Variants in KMT2C observed in about 807,000 individuals in gnomAD.
The protein encoded by KMT2C is lysine methyltransferase 2C, also known as histone-lysine N-methyltransferase 2C.
Under a neutral mutation model 507.9 loss-of-function variants are expected in KMT2C, and 88 were observed. The observed-to-expected ratio is 0.17, with a 90% confidence interval of 0.15 to 0.21. The LOEUF is 0.21. Ranked by LOEUF, KMT2C falls within the 10% of genes least tolerant of loss-of-function variation. KMT2C has a pLI of 1.00. For missense variants in KMT2C, 4,954 were observed against 5,957.8 expected (o/e 0.83, Z 5.55); for synonymous variants, 2,049 against 2,080.8 (o/e 0.98, Z 0.42).
chr7:152,226,219 C>CTTTTTTTTTTTTTTTTTTTTTTTTT (rs869076803), intron 18 of KMT2C, among the ~76,000 whole-genome samples: 2 of 94,948 alleles, frequency 2.1e-5, no homozygotes, highest in African/African-American at 8.3e-5. Context: ...ATTACAAGGC[C>CTTTTTTTTTTTTTTTTTTTTTTTTT]TTTTTTTTTT....
intron 2 of KMT2C, among the ~76,000 whole-genome samples, chr7:152,338,575 T>A (rs919507623): frequency 7.2e-5 from 11 of 152,220 alleles, no homozygotes; most frequent in Non-Finnish European, 1.5e-5. Context: ...AATAGTTCTC[T>A]CTCAAGTTTT....
intron 2 of KMT2C, among the ~76,000 whole-genome samples, chr7:152,348,310 G>A (rs755285506): frequency 7.9e-5 from 12 of 152,040 alleles, no homozygotes; most frequent in Non-Finnish European, 1.8e-4. Flanking sequence ...ATAAAGCATA[G>A]GGAAGGCCAG....
chr7:152,213,767 C>T (rs1054485359), intron 23 of KMT2C, among the ~76,000 whole-genome samples: 11 of 141,072 alleles, frequency 7.8e-5, no homozygotes, highest in African/African-American at 2.9e-4. Context: ...AAAAAAAAAA[C>T]ACCGGGGTGA....
At position 152,311,872 on chromosome 7, in the gene KMT2C, C is replaced by CCCA. The variant is rs2096674828; in HGVS notation, c.664_665insTGG (p.Ala221_Gly222insVal). On this transcript the variant is annotated inframe_insertion, in exon 5 of 59. Coordinates refer to ENST00000262189, the MANE Select transcript of KMT2C (RefSeq NM_170606.3). Reference sequence around the variant, plus strand: ...CAGACTGAGTTCATCCCACAGTTTACCAGCTTGATCATCTGAAGCTGTCTG... The same window carrying CCCA: ...CAGACTGAGTTCATCCCACAGTTTACCCACAGCTTGATCATCTGAAGCTGTCTG... The CCCA allele has an allele frequency of 1.2e-6, 2 of 1,611,722 alleles. No individual in the cohort carries two copies. The highest frequency in any genetic ancestry group is 4.5e-5 in the East Asian group (2 of 44,830).
chr7:152,361,975 A>G (rs1023657982), intron 1 of KMT2C, among the ~76,000 whole-genome samples: 1 of 152,210 alleles, frequency 6.6e-6, no homozygotes, highest in Non-Finnish European at 1.5e-5. Flanking sequence ...AGATTACTCT[A>G]TCAATCTTCC....
At chr7:152,362,952 T>C (rs1047318006) in intron 1 of KMT2C, among the ~76,000 whole-genome samples, 1 of 152,276 alleles carries the variant, frequency 6.6e-6, no homozygotes, top group African/African-American at 2.4e-5. Flanking sequence ...GACCAACTTA[T>C]TGACATCATG....
intron 38 of KMT2C, 147 bp from the exon 39 acceptor site, chr7:152,174,389 G>C (rs1015664149): frequency 5.5e-6 from 3 of 549,244 alleles, no homozygotes; most frequent in Non-Finnish European, 9.5e-6. Context: ...GGGTTTAATC[G>C]CATCTCAGTA....
chr7:152,219,592 A>T (rs981231533), intron 23 of KMT2C, among the ~76,000 whole-genome samples: 1 of 152,002 alleles, frequency 6.6e-6, no homozygotes, highest in African/African-American at 2.4e-5. Flanking sequence ...AAAAAAAAAA[A>T]ACAAAAAACT....
At chr7:152,199,524 T>C (rs181539605) in intron 26 of KMT2C, 65 bp from the exon 27 acceptor site, 1 of 1,027,526 alleles carries the variant, frequency 9.7e-7, no homozygotes, top group Non-Finnish European at 1.4e-6. Context: ...GATTATTCTG[T>C]CATGGTTTTT....
chr7:152,157,394 T>C (rs1390300115), intron 44 of KMT2C, among the ~76,000 whole-genome samples: 1 of 152,082 alleles, frequency 6.6e-6, no homozygotes. Flanking sequence ...TTATTAGATA[T>C]ACTTAAAATT....
At chr7:152,329,497 G>C (rs1261958502) in intron 3 of KMT2C, among the ~76,000 whole-genome samples, 1 of 152,012 alleles carries the variant, frequency 6.6e-6, no homozygotes, top group Non-Finnish European at 1.5e-5. Context: ...CTGAGCCTGG[G>C]AGGTTGAGCC....
intron 2 of KMT2C, among the ~76,000 whole-genome samples, chr7:152,345,825 A>G (rs993740817): frequency 3.3e-5 from 5 of 152,144 alleles, no homozygotes; most frequent in Admixed American, 6.6e-5. Flanking sequence ...ATGGCCTAGA[A>G]TAGATTTTTT....
At chr7:152,221,388 T>C (rs1335222517) in intron 22 of KMT2C, among the ~76,000 whole-genome samples, 1 of 152,218 alleles carries the variant, frequency 6.6e-6, no homozygotes, top group East Asian at 1.9e-4. Context: ...GGGATCTATT[T>C]ACGTAAGAGA....
chr7:152,273,912 A>T, intron 6 of KMT2C, 45 bp from the exon 7 acceptor site: 1 of 1,598,000 alleles, frequency 6.3e-7, no homozygotes, highest in Non-Finnish European at 8.6e-7. Context: ...AACCTTGAAA[A>T]GGAATATTCA....
chr7:152,420,077 A>C (rs2097768795), intron 1 of KMT2C, among the ~76,000 whole-genome samples: 1 of 152,252 alleles, frequency 6.6e-6, no homozygotes, highest in South Asian at 2.1e-4. Context: ...CCAGAAATTG[A>C]AGGTAGGGAT....
At position 152,180,829 on chromosome 7, in the gene KMT2C, G is replaced by C. The variant is rs773409339; in HGVS notation, c.7031C>G (p.Ser2344Cys). Residue 2344 changes from serine to cysteine, a missense_variant, in exon 36 of 59, where the codon TCC (serine) becomes TGC (cysteine). Physicochemically the swap from Ser to Cys is moderately radical, Grantham distance 112. Coordinates refer to ENST00000262189, the MANE Select transcript of KMT2C (RefSeq NM_170606.3). The stretch of plus-strand genomic sequence containing the variant: ...GACACCAGAGAACTGCTGGCCTTGG[G>C]AGTGCATTGGAGAGTTTGAAGATGC... The part of the protein sequence containing the change: ...FCASSNSPMH[S>C]QGQQFSGVSQ... 4 of 1,614,182 alleles carry C rather than the reference G, an allele frequency of 2.5e-6. No homozygotes were observed. The South Asian group carries it at 4.4e-5, about 18-fold the overall frequency.
At chr7:152,408,114 C>A (rs1433074688) in intron 1 of KMT2C, among the ~76,000 whole-genome samples, 2 of 151,846 alleles carry the variant, frequency 1.3e-5, no homozygotes, top group Non-Finnish European at 2.9e-5. Flanking sequence ...ATGGCGAAAC[C>A]CCGTTTCTAC....
At chr7:152,352,674 G>C (rs2097123226) in intron 2 of KMT2C, among the ~76,000 whole-genome samples, 1 of 152,094 alleles carries the variant, frequency 6.6e-6, no homozygotes. Context: ...CCCAATATCT[G>C]GCTGAATTTC....
intron 27 of KMT2C, among the ~76,000 whole-genome samples, chr7:152,198,034 T>C (rs2094015104): frequency 7.0e-6 from 1 of 143,826 alleles, no homozygotes; most frequent in Admixed American, 6.6e-5. Context: ...TATTTAAGTC[T>C]TCAAAGTGGC....
Sources: gnomAD v4.1 joint callset for allele counts (sites outside exome capture counted in the v4.1 genomes callset) on GRCh38, gnomAD v4.1.1 for gene constraint, MANE v1.5 for transcripts, NCBI Gene and HGNC (gene_info 2026-07-23, HGNC 2026-07-21) for gene names.